The following CCDC148 variants were observed in gnomAD, a reference collection of about 807,000 sequenced individuals.
CCDC148 encodes the protein coiled-coil domain containing 148.
CCDC148 carries 89 observed loss-of-function variants against 85.7 expected under a neutral mutation model. The observed-to-expected ratio is 1.04, with a 90% CI of 0.87 to 1.24. The LOEUF is 1.24. Among genes scored for constraint, CCDC148 ranks in the 50% most tolerant of loss-of-function variants. The pLI, the probability that CCDC148 is intolerant of heterozygous loss-of-function variation, is 0.00. For synonymous variants in CCDC148, 230 were observed against 213.9 expected, an observed-to-expected ratio of 1.08 and a Z score of -0.66; for missense variants, 692 against 671.7, an observed-to-expected ratio of 1.03 and a Z score of -0.33.
intron 1 of CCDC148, among the ~76,000 whole-genome samples, chr2:158,391,144 C>T (rs575117772): frequency 1.3e-5 from 2 of 152,264 alleles, no homozygotes; most frequent in South Asian, 4.1e-4. Context: ...ATGTTTCCTG[C>T]TTTCATGGTG....
chr2:158,220,783 C>G (rs557917962), intron 10 of CCDC148, 70 bp from the exon 11 acceptor site: 1 of 1,176,686 alleles, frequency 8.5e-7, no homozygotes, highest in East Asian at 2.5e-5. Context: ...AAGCCATAAC[C>G]ATATCCACTG....
intron 11 of CCDC148, among the ~76,000 whole-genome samples, chr2:158,211,876 T>C (rs1686597272): frequency 6.6e-6 from 1 of 152,190 alleles, no homozygotes; most frequent in Non-Finnish European, 1.5e-5. Flanking sequence ...TTTCTTATCC[T>C]CTCTGTCAAT....
At chr2:158,390,945 C>T (rs1424689145) in intron 1 of CCDC148, among the ~76,000 whole-genome samples, 1 of 152,154 alleles carries the variant, frequency 6.6e-6, no homozygotes, top group Non-Finnish European at 1.5e-5. Context: ...AGACTGAAAA[C>T]CACTGCCCTA....
At chr2:158,271,751 T>C (rs1284056509) in intron 9 of CCDC148, among the ~76,000 whole-genome samples, 1 of 152,222 alleles carries the variant, frequency 6.6e-6, no homozygotes, top group Non-Finnish European at 1.5e-5. Flanking sequence ...TTTAGGCATC[T>C]ACTGGGGGTC....
At chr2:158,231,480 T>C (rs143846549) in intron 10 of CCDC148, among the ~76,000 whole-genome samples, 1 of 152,090 alleles carries the variant, frequency 6.6e-6, no homozygotes, top group African/African-American at 2.4e-5. Flanking sequence ...ACCAATATAT[T>C]TGGGCATTTA....
chr2:158,240,452 T>TCACACACACACACA (rs4028276), intron 10 of CCDC148, among the ~76,000 whole-genome samples: 11 of 120,468 alleles, frequency 9.1e-5, no homozygotes, highest in African/African-American at 2.5e-4. Context: ...TCTCTCTCTC[T>TCACACACACACACA]CACACACACA....
intron 9 of CCDC148, among the ~76,000 whole-genome samples, chr2:158,275,991 C>CAAA (rs71404401): frequency 7.0e-6 from 1 of 143,392 alleles, no homozygotes. Context: ...TCTAATTTAT[C>CAAA]AAAAAAAAAA....
intron 11 of CCDC148, among the ~76,000 whole-genome samples, chr2:158,180,805 C>T (rs1035741301): frequency 2.0e-5 from 3 of 152,064 alleles, no homozygotes; most frequent in African/African-American, 7.2e-5. Context: ...GAGGGAAGCA[C>T]ACAGTGGATC....
intron 1 of CCDC148, among the ~76,000 whole-genome samples, chr2:158,435,048 A>G (rs1381067098): frequency 6.6e-6 from 1 of 152,234 alleles, no homozygotes. Context: ...GTTGGAAAAC[A>G]CTCTGCAGGA....
chr2:158,406,613 C>CT (rs61612452), intron 1 of CCDC148, among the ~76,000 whole-genome samples: 1,154 of 31,460 alleles, frequency 0.037, 102 homozygotes, highest in Non-Finnish European at 0.054. Context: ...GATTAAATTT[C>CT]TTTTTTTTTT....
intron 1 of CCDC148, among the ~76,000 whole-genome samples, chr2:158,435,700 A>T (rs1166472032): frequency 3.0e-4 from 45 of 152,350 alleles, no homozygotes; most frequent in Non-Finnish European, 2.5e-4. Context: ...TAAAGAGTCA[A>T]GACCCATCAG....
intron 9 of CCDC148, among the ~76,000 whole-genome samples, chr2:158,281,279 G>A (rs1690279592): frequency 1.3e-5 from 2 of 152,038 alleles, no homozygotes; most frequent in African/African-American, 2.4e-5. Context: ...ACGAAAATCA[G>A]AGCAGAACTG....
intron 1 of CCDC148, among the ~76,000 whole-genome samples, chr2:158,433,074 CA>C (rs755383954): frequency 0.071 from 5,256 of 73,898 alleles, 386 homozygotes; most frequent in African/African-American, 0.19. Flanking sequence ...CTCATCTCTA[CA>C]AAAAAAAAAA....
At chr2:158,394,265 A>T (rs560296253) in intron 1 of CCDC148, among the ~76,000 whole-genome samples, 119 of 152,264 alleles carry the variant, frequency 7.8e-4, no homozygotes, top group African/African-American at 2.7e-3. Context: ...ATAGTAAGGC[A>T]AAGCAATAAT....
At chr2:158,393,731 G>A (rs1430009940) in intron 1 of CCDC148, among the ~76,000 whole-genome samples, 1 of 152,152 alleles carries the variant, frequency 6.6e-6, no homozygotes, top group East Asian at 1.9e-4. Flanking sequence ...GCAGATCACA[G>A]AGGTGGATGG....
intron 1 of CCDC148, among the ~76,000 whole-genome samples, chr2:158,427,648 T>G (rs1687137282): frequency 6.6e-6 from 1 of 151,860 alleles, no homozygotes; most frequent in African/African-American, 2.4e-5. Flanking sequence ...GGCAGGAGGA[T>G]TACTTGAGCT....
At chr2:158,396,048 C>T (rs765007394) in intron 1 of CCDC148, among the ~76,000 whole-genome samples, 124 of 152,038 alleles carry the variant, frequency 8.2e-4, no homozygotes, top group Non-Finnish European at 1.4e-3. Flanking sequence ...AAGATTATAT[C>T]TCTTATTGTA....
chr2:158,431,083 T>C (rs2105332352), intron 1 of CCDC148, among the ~76,000 whole-genome samples: 2 of 151,620 alleles, frequency 1.3e-5, no homozygotes, highest in South Asian at 2.1e-4. Context: ...CTCAATGATA[T>C]ATCAGATAAT....
rs570973504 is a variant in CCDC148, at chr2:158,184,036, A to G, written c.1371-5040T>C. On this transcript the variant is annotated intron_variant, in intron 11 of 13. Coordinates refer to ENST00000283233, the MANE Select transcript of CCDC148 (RefSeq NM_138803.4). ...CCAAAGAAAAGAATGGAAATTGCAC[A>G]GGAAGACATTCACATTGAAAGGCAT... 2.0e-5 allele frequency among the ~76,000 whole-genome samples: 3 copies of G among 152,288 alleles called. No individual in the cohort carries two copies. In the East Asian group the frequency reaches 5.8e-4, roughly 29 times the overall value.
Sources: allele counts gnomAD v4.1 joint callset (sites outside exome capture counted in the v4.1 genomes callset), GRCh38; gene constraint gnomAD v4.1.1; transcripts MANE v1.5; gene names NCBI Gene and HGNC (gene_info 2026-07-23, HGNC 2026-07-21).